Variants in BBX observed in about 807,000 individuals in gnomAD.
BBX encodes the protein HMG box transcription factor BBX.
A neutral mutation model predicts 100.2 loss-of-function variants in BBX; 30 were observed. That is an observed-to-expected ratio of 0.30 (90% CI 0.22 to 0.41). The LOEUF (loss-of-function observed/expected upper bound fraction) is 0.41, where lower values mean the gene tolerates loss of function less well. Among genes scored for constraint, BBX ranks in the 10% least tolerant of loss-of-function variants. BBX has a pLI of 1.00. For synonymous variants in BBX, 376 were observed against 388.1 expected (o/e 0.97, Z 0.37); for missense variants, 1,023 against 1,129.8 (o/e 0.91, Z 1.35).
chr3:107,789,736 T>C, intron 13 of BBX, 51 bp from the exon 14 acceptor site: 1 of 1,267,900 alleles, frequency 7.9e-7, no homozygotes, highest in South Asian at 1.6e-5. Context: ...CACAATATTT[T>C]TTATGAAACA....
intron 2 of BBX, among the ~76,000 whole-genome samples, chr3:107,641,448 C>T (rs2057206089): frequency 6.6e-6 from 1 of 152,100 alleles, no homozygotes; most frequent in South Asian, 2.1e-4. Flanking sequence ...AGAGGATTTG[C>T]AAATCTTTCA....
At chr3:107,693,485 G>A (rs1442434511) in intron 3 of BBX, among the ~76,000 whole-genome samples, 2 of 150,326 alleles carry the variant, frequency 1.3e-5, no homozygotes, top group East Asian at 2.0e-4. Flanking sequence ...TTTTTCTCAG[G>A]TTTGTCAAAG....
At chr3:107,750,515 G>C (rs575358941) in intron 9 of BBX, among the ~76,000 whole-genome samples, 2 of 152,032 alleles carry the variant, frequency 1.3e-5, no homozygotes, top group East Asian at 3.9e-4. Context: ...TTAAATTATT[G>C]TATCTTTGGT....
chr3:107,727,370 G>A (rs1040405067), intron 5 of BBX, among the ~76,000 whole-genome samples: 10 of 152,110 alleles, frequency 6.6e-5, no homozygotes, highest in African/African-American at 2.2e-4. Flanking sequence ...TCATGCACAT[G>A]AATGCACTGT....
At chr3:107,734,588 A>C (rs1213885926) in intron 7 of BBX, among the ~76,000 whole-genome samples, 2 of 152,194 alleles carry the variant, frequency 1.3e-5, no homozygotes. Context: ...GATTCCCAAG[A>C]ATACATTGAA....
intron 3 of BBX, among the ~76,000 whole-genome samples, chr3:107,684,151 A>G (rs1020042013): frequency 6.6e-6 from 1 of 152,166 alleles, no homozygotes. Flanking sequence ...CAGGTAAGAA[A>G]CTATTTTTTA....
chr3:107,810,288 G>C lies in BBX; in HGVS notation c.*4831G>C, dbSNP rs2071236091. On this transcript the variant is annotated 3_prime_UTR_variant, in exon 18 of 18. Coordinates refer to ENST00000325805, the MANE Select transcript of BBX (RefSeq NM_001142568.3). Reference sequence around the variant, plus strand: ...TATGATTCATACTGTTAAATTGAGAGAGGAAACCTTGTGGTTAAAAATTAT... The same window carrying C: ...TATGATTCATACTGTTAAATTGAGACAGGAAACCTTGTGGTTAAAAATTAT... 2 of 151,468 alleles carry C rather than the reference G, an allele frequency of 1.3e-5. No homozygotes were observed. Among genetic ancestry groups the C allele is most frequent in the Admixed American group, 1.3e-4 (2 of 15,214 alleles). The allele number at this position is 151,468 out of a possible 1,614,324, so 9.4% of individuals were successfully genotyped here. A position where few individuals can be genotyped will look rare whatever the true frequency, so the allele number is the denominator to read the frequency against.
intron 3 of BBX, among the ~76,000 whole-genome samples, chr3:107,680,315 G>A (rs12495935): frequency 0.3 from 45,256 of 152,050 alleles, 8,160 homozygotes; most frequent in East Asian, 0.92. Flanking sequence ...CTTTATCACC[G>A]CTTACGAGTA....
chr3:107,525,220 G>C (rs2047672661), intron 1 of BBX, among the ~76,000 whole-genome samples: 1 of 150,512 alleles, frequency 6.6e-6, no homozygotes, highest in African/African-American at 2.4e-5. Context: ...CGCGGTCCAA[G>C]CCCGGAATGG....
intron 2 of BBX, among the ~76,000 whole-genome samples, chr3:107,547,785 T>G (rs926246242): frequency 1.5e-4 from 23 of 152,028 alleles, no homozygotes; most frequent in Admixed American, 1.3e-3. Context: ...CCCCTTCTTC[T>G]TTCCCTTCTA....
intron 16 of BBX, among the ~76,000 whole-genome samples, chr3:107,799,597 G>C (rs1000892069): frequency 2.6e-5 from 4 of 151,140 alleles, no homozygotes; most frequent in African/African-American, 9.7e-5. Context: ...TCTGCTGTTC[G>C]GGTCACTACA....
At chr3:107,614,212 AG>A (rs1285443706) in intron 2 of BBX, among the ~76,000 whole-genome samples, 1 of 151,980 alleles carries the variant, frequency 6.6e-6, no homozygotes, top group African/African-American at 2.4e-5. Context: ...GGCCTCCCAA[AG>A]TGCTGGGATT....
chr3:107,560,373 G>C (rs547760809), intron 2 of BBX, among the ~76,000 whole-genome samples: 1 of 152,188 alleles, frequency 6.6e-6, no homozygotes, highest in South Asian at 2.1e-4. Context: ...CTATACTGTG[G>C]CTTAGATTTA....
intron 16 of BBX, 62 bp from the exon 17 acceptor site, chr3:107,801,033 T>C (rs1455726256): frequency 2.0e-6 from 3 of 1,506,510 alleles, no homozygotes; most frequent in Non-Finnish European, 2.7e-6. Context: ...CAGCGTTTTC[T>C]ATGTCTCTTC....
At chr3:107,732,112 T>A (rs2063353674) in intron 6 of BBX, among the ~76,000 whole-genome samples, 1 of 152,140 alleles carries the variant, frequency 6.6e-6, no homozygotes, top group Non-Finnish European at 1.5e-5. Context: ...GGGTGCAGTG[T>A]TGCGATCTTA....
intron 4 of BBX, 55 bp from the exon 5 acceptor site, chr3:107,716,552 A>G: frequency 6.3e-7 from 1 of 1,583,442 alleles, no homozygotes; most frequent in Non-Finnish European, 8.6e-7. Context: ...CTAACTGTTA[A>G]ATCAAAATTA....
At chr3:107,605,386 T>TTTG (rs397704921) in intron 2 of BBX, among the ~76,000 whole-genome samples, 36 of 149,204 alleles carry the variant, frequency 2.4e-4, no homozygotes, top group African/African-American at 3.2e-4. Flanking sequence ...TTTTTTTTTT[T>TTTG]GGGGGGGGGA....
chr3:107,701,811 T>A (rs1396990684), intron 3 of BBX, among the ~76,000 whole-genome samples: 1 of 119,452 alleles, frequency 8.4e-6, no homozygotes, highest in Non-Finnish European at 1.8e-5. Flanking sequence ...AGGTTTCTCA[T>A]CTGTAAAAAA....
intron 9 of BBX, among the ~76,000 whole-genome samples, chr3:107,751,236 G>C (rs1040976500): frequency 2.6e-5 from 4 of 152,122 alleles, no homozygotes; most frequent in Admixed American, 2.6e-4. Context: ...TCTTTTCAGA[G>C]GGATTCCTGG....
Sources: gnomAD v4.1 joint callset for allele counts (sites outside exome capture counted in the v4.1 genomes callset) on GRCh38, gnomAD v4.1.1 for gene constraint, MANE v1.5 for transcripts, NCBI Gene and HGNC (gene_info 2026-07-23, HGNC 2026-07-21) for gene names.